GRIA2: variants seen among roughly 807,000 people sequenced by gnomAD.
GRIA2 encodes the protein glutamate receptor 2.
A neutral mutation model predicts 97.3 loss-of-function variants in GRIA2; 14 were observed. That is an observed-to-expected ratio of 0.14 (90% CI 0.10 to 0.23). The LOEUF (loss-of-function observed/expected upper bound fraction) is 0.23, where lower values mean the gene tolerates loss of function less well. GRIA2 is among the 10% of genes least tolerant of loss of function. The pLI is 1.00. For missense variants in GRIA2, 558 were observed against 1,069.8 expected, an observed-to-expected ratio of 0.52 and a Z score of 6.67; for synonymous variants, 412 against 387.8, an observed-to-expected ratio of 1.06 and a Z score of -0.73.
At position 157,361,202 on chromosome 4, in the gene GRIA2, CCGTGCCA is replaced by C. The variant is rs1488352640; in HGVS notation, c.2406+80_2406+86del. 9.1e-6 allele frequency: 10 copies of C among 1,103,830 alleles called. No individual in the cohort carries two copies. In the East Asian group the frequency reaches 2.4e-4, roughly 26 times the overall value. 68.4% of individuals were successfully genotyped at this position (1,103,830 alleles called of 1,614,324 possible). On this transcript the variant is annotated intron_variant, in intron 14 of 15. Coordinates refer to ENST00000264426, the MANE Select transcript of GRIA2 (RefSeq NM_001083619.3). This position sits in a 1 kb window ranked among gnomAD's most constrained non-coding sequence, Gnocchi z 5.2. ...AGCAGCTATGCACAGTGTGGGCACTCCGTGCCACCAAGTTTCCAACGCTAAGCTGAAG... is the reference window on the plus strand; with the variant it reads ...AGCAGCTATGCACAGTGTGGGCACTCCCAAGTTTCCAACGCTAAGCTGAAG...
intron 2 of GRIA2, among the ~76,000 whole-genome samples, chr4:157,223,088 C>G (rs1307761029): frequency 1.3e-5 from 2 of 152,186 alleles, no homozygotes; most frequent in African/African-American, 4.8e-5. Context: ...CAGGAAAAGC[C>G]CAACTGCAGT....
At chr4:157,342,546 A>C in intron 12 of GRIA2, 4 of 527,576 alleles carry the variant, frequency 7.6e-6, no homozygotes, top group Non-Finnish European at 9.7e-6. Flanking sequence ...TTTAGAATGA[A>C]TCTTGTAATG....
chr4:157,342,755 G>T (rs1444685355), intron 12 of GRIA2, among the ~76,000 whole-genome samples: 1 of 151,996 alleles, frequency 6.6e-6, no homozygotes, highest in Non-Finnish European at 1.5e-5. Flanking sequence ...AGATCTATGA[G>T]AATGATGCAG....
At chr4:157,318,571 T>C (rs960397801) in intron 5 of GRIA2, among the ~76,000 whole-genome samples, 2 of 152,190 alleles carry the variant, frequency 1.3e-5, no homozygotes, top group African/African-American at 4.8e-5. Flanking sequence ...GAAGGTAGTA[T>C]ACTGAAGCAA....
At chr4:157,317,117 A>G (rs936283295) in intron 4 of GRIA2, among the ~76,000 whole-genome samples, 2 of 152,192 alleles carry the variant, frequency 1.3e-5, no homozygotes, top group African/African-American at 2.4e-5. Context: ...CACGGTCCTT[A>G]GGATAGGAAT....
intron 6 of GRIA2, among the ~76,000 whole-genome samples, chr4:157,328,081 A>C: frequency 6.6e-6 from 1 of 152,254 alleles, no homozygotes; most frequent in East Asian, 1.9e-4. Flanking sequence ...TGACTGAAAT[A>C]AACTTATAAA....
chr4:157,220,727 T>G, upstream of GRIA2: 6 of 378,150 alleles, frequency 1.6e-5, no homozygotes, highest in Admixed American at 4.1e-5. Flanking sequence ...CGAGAGAGGG[T>G]GAGTGTGTGT....
Position 157,232,636 on chromosome 4 carries a change from G to A in GRIA2, c.229+10829G>A, listed in dbSNP as rs572271971. Among the ~76,000 whole-genome samples, 5 of 152,226 alleles carry A rather than the reference G, an allele frequency of 3.3e-5. No homozygotes were observed. The South Asian group carries it at 1.0e-3, about 32-fold the overall frequency. ...GGCAACAATTCAGAAAGGGATACAA[G>A]GAAGCGCTGTATATAGTTTATTCTT... is the stretch of plus-strand genomic sequence containing the variant. On this transcript the variant is annotated intron_variant, in intron 2 of 15. Transcript: ENST00000264426.
chr4:157,355,318 AG>A (rs1736197990), intron 12 of GRIA2, among the ~76,000 whole-genome samples: 1 of 152,094 alleles, frequency 6.6e-6, no homozygotes, highest in Non-Finnish European at 1.5e-5. Flanking sequence ...ACCTGAGGTC[AG>A]GAGTTCAAGA....
intron 2 of GRIA2, among the ~76,000 whole-genome samples, chr4:157,247,914 C>T (rs971916115): frequency 6.6e-6 from 1 of 152,000 alleles, no homozygotes; most frequent in Non-Finnish European, 1.5e-5. Context: ...CTCTGGATTA[C>T]AAGACAGACG....
chr4:157,263,910 C>T (rs1330859543), intron 2 of GRIA2, among the ~76,000 whole-genome samples: 1 of 152,020 alleles, frequency 6.6e-6, no homozygotes, highest in Non-Finnish European at 1.5e-5. Flanking sequence ...TTTTTCTTTT[C>T]TACTATTTCT....
chr4:157,226,692 T>C (rs1729762238), intron 2 of GRIA2, among the ~76,000 whole-genome samples: 1 of 152,114 alleles, frequency 6.6e-6, no homozygotes, highest in South Asian at 2.1e-4. Flanking sequence ...AATTATAGAG[T>C]GTAAATAGTT....
In GRIA2 at chr4:157,336,439, C is replaced by T; in HGVS notation, c.1536C>T (p.Phe512=). The change falls in exon 11 of 16, where the codon TTC becomes TTT. Residue 512 remains phenylalanine (F), a synonymous_variant. Coordinates refer to ENST00000264426, the MANE Select transcript of GRIA2 (RefSeq NM_001083619.3). ...TTGTGAGAGAAGAGGTGATTGACTT[C>T]TCAAAGCCCTTCATGAGCCTCGGGA... is the stretch of plus-strand genomic sequence containing the variant. ...ITLVREEVID[F]SKPFMSLGIS... 6.2e-7 allele frequency: 1 copy of T among 1,610,146 alleles called. No homozygotes were observed. The highest frequency in any genetic ancestry group is 8.5e-7 in the Non-Finnish European group (1 of 1,177,672).
rs1192688020 is a variant in GRIA2, at chr4:157,364,156, G to A, written c.*725G>A. The A allele has an allele frequency of 6.6e-6, 1 of 152,386 alleles. No homozygotes were observed. The highest frequency in any genetic ancestry group is 6.6e-5 in the Admixed American group (1 of 15,220). 9.4% of individuals were successfully genotyped at this position (152,386 alleles called of 1,614,324 possible). A position where few individuals can be genotyped will look rare whatever the true frequency, so the allele number is the denominator to read the frequency against. ...GTAAATGCTAAGGAAAGTAAACAAAGAGGAGATTCCAATCTTGTAATTTAA... is the reference window on the plus strand; with the variant it reads ...GTAAATGCTAAGGAAAGTAAACAAAAAGGAGATTCCAATCTTGTAATTTAA... On this transcript the variant is annotated 3_prime_UTR_variant, in exon 16 of 16. Coordinates refer to ENST00000264426, the MANE Select transcript of GRIA2 (RefSeq NM_001083619.3).
chr4:157,312,488 G>C (rs1166394887), intron 3 of GRIA2, among the ~76,000 whole-genome samples, 191 bp from the exon 4 acceptor site: 1 of 152,118 alleles, frequency 6.6e-6, no homozygotes, highest in African/African-American at 2.4e-5. Context: ...TTTAGGTAAT[G>C]AGTTTTTGAT....
chr4:157,292,147 A>C (rs1368218301), intron 2 of GRIA2, among the ~76,000 whole-genome samples: 2 of 151,992 alleles, frequency 1.3e-5, no homozygotes, highest in Non-Finnish European at 2.9e-5. Context: ...AATGCAAAAC[A>C]ATAGGTACAA....
chr4:157,305,505 T>A (rs2126870821), intron 3 of GRIA2, among the ~76,000 whole-genome samples: 1 of 152,234 alleles, frequency 6.6e-6, no homozygotes, highest in South Asian at 2.1e-4. Context: ...CATTGAAAAA[T>A]TTTAGTTGGC....
intron 2 of GRIA2, among the ~76,000 whole-genome samples, chr4:157,222,498 A>G (rs1178574649): frequency 3.3e-5 from 5 of 152,026 alleles, no homozygotes; most frequent in Non-Finnish European, 2.9e-5. Flanking sequence ...GGCGGTGGAA[A>G]GGGGGAGCGC....
chr4:157,362,535 G>T, intron 14 of GRIA2: 1 of 571,088 alleles, frequency 1.8e-6, no homozygotes, highest in South Asian at 1.6e-5. Flanking sequence ...GACATAGCCA[G>T]GGAAATGTTT....
Sources: allele counts gnomAD v4.1 joint callset (sites outside exome capture counted in the v4.1 genomes callset), GRCh38; gene constraint gnomAD v4.1.1; non-coding constraint Gnocchi (gnomAD v3.1); transcripts MANE v1.5; gene names NCBI Gene and HGNC (gene_info 2026-07-23, HGNC 2026-07-21).